SKAP2: variants seen among roughly 807,000 people sequenced by gnomAD.
SKAP2 encodes the protein src kinase associated phosphoprotein 2.
SKAP2 carries 28 observed loss-of-function variants against 54.9 expected under a neutral mutation model. The ratio of observed to expected loss-of-function variants is 0.51; its 90% CI spans 0.38 to 0.70. SKAP2 has a LOEUF of 0.70. SKAP2 is among the 30% of genes least tolerant of loss of function. The pLI, the probability that SKAP2 is intolerant of heterozygous loss-of-function variation, is 0.00. For synonymous variants in SKAP2, 137 were observed against 134.3 expected (o/e 1.02, Z -0.14); for missense variants, 356 against 424.1 (o/e 0.84, Z 1.41).
chr7:26,717,414 G>A (rs1380807167), intron 9 of SKAP2, among the ~76,000 whole-genome samples: 1 of 148,204 alleles, frequency 6.7e-6, no homozygotes, highest in Non-Finnish European at 1.5e-5. Flanking sequence ...GGAGGCTGAG[G>A]TGAGAGGACA....
chr7:26,674,120 T>G (rs1417662759), intron 11 of SKAP2, among the ~76,000 whole-genome samples: 1 of 152,154 alleles, frequency 6.6e-6, no homozygotes, highest in Non-Finnish European at 1.5e-5. Context: ...AGAAATTAGT[T>G]ACCGATGTGT....
chr7:26,802,277 GT>G (rs34323117), intron 4 of SKAP2, among the ~76,000 whole-genome samples: 32,023 of 117,338 alleles, frequency 0.27, 3,082 homozygotes, highest in East Asian at 0.46. Context: ...TTTTTTTTTG[GT>G]TTTTTTTTTT....
At chr7:26,857,310 TAAAAAAAAA>T (rs59046895) in intron 1 of SKAP2, 30 of 91,218 alleles carry the variant, frequency 3.3e-4, no homozygotes, top group African/African-American at 6.3e-4. Context: ...CTGCTTTGCT[TAAAAAAAAA>T]AAAAAAAAAA....
chr7:26,831,964 C>T (rs1784604837), intron 4 of SKAP2, among the ~76,000 whole-genome samples: 2 of 152,124 alleles, frequency 1.3e-5, no homozygotes, highest in African/African-American at 2.4e-5. Flanking sequence ...ATTTCCAGCT[C>T]CGTTTCCCCT....
chr7:26,787,117 G>A (rs1339399121), intron 4 of SKAP2, among the ~76,000 whole-genome samples: 3 of 152,298 alleles, frequency 2.0e-5, no homozygotes, highest in South Asian at 2.1e-4. Context: ...TGAAGCTAAG[G>A]TCTTCGTTTG....
chr7:26,827,688 C>T (rs1006077345), intron 4 of SKAP2, among the ~76,000 whole-genome samples: 4 of 152,166 alleles, frequency 2.6e-5, no homozygotes, highest in East Asian at 1.9e-4. Flanking sequence ...ACAAACCCCA[C>T]TATTTTTGTA....
At chr7:26,786,791 T>C (rs1046219997) in intron 4 of SKAP2, among the ~76,000 whole-genome samples, 2 of 152,242 alleles carry the variant, frequency 1.3e-5, no homozygotes, top group Non-Finnish European at 2.9e-5. Flanking sequence ...ATCTTTTTTT[T>C]CTGAACATAT....
intron 4 of SKAP2, among the ~76,000 whole-genome samples, chr7:26,827,753 G>C (rs981678930): frequency 6.6e-5 from 10 of 152,178 alleles, no homozygotes; most frequent in African/African-American, 2.4e-4. Context: ...CACGTACTTA[G>C]ATAAGGCAGA....
chr7:26,801,503 G>A (rs1224472541), intron 4 of SKAP2, among the ~76,000 whole-genome samples: 1 of 152,142 alleles, frequency 6.6e-6, no homozygotes, highest in South Asian at 2.1e-4. Context: ...GGAAGTCCTA[G>A]CTAGAGCAAT....
chr7:26,759,555 A>G (rs945459933), intron 4 of SKAP2, among the ~76,000 whole-genome samples: 1 of 152,130 alleles, frequency 6.6e-6, no homozygotes, highest in Non-Finnish European at 1.5e-5. Flanking sequence ...CAATTGACAC[A>G]GGATATTGCT....
In SKAP2 at chr7:26,829,416, G is replaced by A. The variant is rs1348653047; in HGVS notation, c.307+14614C>T. On this transcript the variant is annotated intron_variant, in intron 4 of 12. Coordinates refer to ENST00000345317, the MANE Select transcript of SKAP2 (RefSeq NM_003930.5). ...TAATTAGTTGGGTGTAGTCGTATGCGCCTGTAATCTCAGCTACTTGAGAGG... is the reference window on the plus strand; with the variant it reads ...TAATTAGTTGGGTGTAGTCGTATGCACCTGTAATCTCAGCTACTTGAGAGG... 7.2e-5 allele frequency among the ~76,000 whole-genome samples: 11 copies of A among 151,946 alleles called. 1 individual carries two copies. In the South Asian group the frequency reaches 1.5e-3, roughly 20 times the overall value.
chr7:26,803,825 G>T (rs1350448078), intron 4 of SKAP2, among the ~76,000 whole-genome samples: 2 of 152,182 alleles, frequency 1.3e-5, no homozygotes, highest in African/African-American at 4.8e-5. Flanking sequence ...CAACAACATG[G>T]ATGGAACTGG....
chr7:26,849,299 T>A (rs6461979), intron 3 of SKAP2, among the ~76,000 whole-genome samples: 2 of 151,854 alleles, frequency 1.3e-5, no homozygotes, highest in Non-Finnish European at 2.9e-5. Flanking sequence ...CAAAATCTAT[T>A]TTTTTTTACA....
intron 4 of SKAP2, among the ~76,000 whole-genome samples, chr7:26,828,305 G>T (rs1384574602): frequency 6.6e-6 from 1 of 152,146 alleles, no homozygotes; most frequent in African/African-American, 2.4e-5. Flanking sequence ...AGAAATGATA[G>T]CGGTATATAA....
chr7:26,830,295 T>C (rs992608499), intron 4 of SKAP2, among the ~76,000 whole-genome samples: 2 of 152,176 alleles, frequency 1.3e-5, no homozygotes, highest in Non-Finnish European at 2.9e-5. Flanking sequence ...GAGTTTCTTT[T>C]TCGTGGAGAT....
chr7:26,725,845 T>A lies in SKAP2; in HGVS notation c.658+78A>T, dbSNP rs1787695756. On this transcript the variant is annotated intron_variant, in intron 8 of 12. Coordinates refer to ENST00000345317, the MANE Select transcript of SKAP2 (RefSeq NM_003930.5). The stretch of plus-strand genomic sequence containing the variant: ...TCATTCTCACAGAAGTCAATAAGCT[T>A]TTGTATATGAAAACCCAAACTACTC... The A allele has an allele frequency of 2.5e-6, 3 of 1,178,352 alleles. No individual in the cohort carries two copies. The African/African-American group carries it at 4.6e-5, about 18-fold the overall frequency. The allele number at this position is 1,178,352 out of a possible 1,614,324, so 73.0% of individuals were successfully genotyped here.
intron 4 of SKAP2, among the ~76,000 whole-genome samples, chr7:26,801,301 C>G (rs1783909490): frequency 6.6e-6 from 1 of 152,126 alleles, no homozygotes; most frequent in African/African-American, 2.4e-5. Flanking sequence ...TGATAAAATT[C>G]AACATCCCTT....
intron 4 of SKAP2, among the ~76,000 whole-genome samples, chr7:26,785,060 A>T (rs1284668723): frequency 6.6e-6 from 1 of 152,122 alleles, no homozygotes; most frequent in Non-Finnish European, 1.5e-5. Context: ...GCAAAACTGA[A>T]CTGTCATTTT....
At chr7:26,814,524 G>A (rs191335774) in intron 4 of SKAP2, among the ~76,000 whole-genome samples, 283 of 128,188 alleles carry the variant, frequency 2.2e-3, no homozygotes, top group African/African-American at 8.0e-3. Context: ...TAATCCCAGC[G>A]AAATCACTCT....
Sources: gnomAD v4.1 joint callset for allele counts (sites outside exome capture counted in the v4.1 genomes callset) on GRCh38, gnomAD v4.1.1 for gene constraint, MANE v1.5 for transcripts, NCBI Gene and HGNC (gene_info 2026-07-23, HGNC 2026-07-21) for gene names.